TGFBR2: variants seen among roughly 807,000 people sequenced by gnomAD.
TGFBR2 encodes transforming growth factor beta receptor 2.
In TGFBR2, 18 loss-of-function variants were observed where a neutral mutation model predicts 49.0. The observed-to-expected ratio is 0.37, with a 90% CI of 0.25 to 0.54. The LOEUF (loss-of-function observed/expected upper bound fraction) is 0.54. Among genes scored for constraint, TGFBR2 ranks in the 20% least tolerant of loss-of-function variants. The probability of loss-of-function intolerance (pLI) is 0.85; values close to 1 mark genes in which losing one functional copy is unlikely to be tolerated. For missense variants in TGFBR2, 525 were observed against 722.6 expected, an observed-to-expected ratio of 0.73 and a Z score of 3.13; for synonymous variants, 282 against 275.9, an observed-to-expected ratio of 1.02 and a Z score of -0.22.
chr3:30,691,661 C>A lies in TGFBR2; in HGVS notation c.*62C>A, dbSNP rs558371189. On this transcript the variant is annotated 3_prime_UTR_variant, in exon 7 of 7. Coordinates refer to ENST00000295754, the MANE Select transcript of TGFBR2 (RefSeq NM_003242.6). Reference sequence around the variant, plus strand: ...TGCCCCTCTCACCAAAGAACAGAGGCAGCAGGAAGCTGCCCCTGAACTGAT... The same window carrying A: ...TGCCCCTCTCACCAAAGAACAGAGGAAGCAGGAAGCTGCCCCTGAACTGAT... 6.3e-7 allele frequency: 1 copy of A among 1,599,320 alleles called. No individual in the cohort carries two copies. Among genetic ancestry groups the A allele is most frequent in the South Asian group, 1.1e-5 (1 of 90,444 alleles).
rs556540412 is a variant in TGFBR2 at position 30,652,444 on chromosome 3, G to A, written c.454+1984G>A. Among the ~76,000 whole-genome samples, 7 of 152,096 alleles carry A rather than the reference G, an allele frequency of 4.6e-5. No homozygotes were observed. In the South Asian group the frequency reaches 1.5e-3, roughly 32 times the overall value. On this transcript the variant is annotated intron_variant, in intron 3 of 6. Coordinates refer to ENST00000295754, the MANE Select transcript of TGFBR2 (RefSeq NM_003242.6). ...GAGACGAGTTTCACCATGTTCGTCA[G>A]TCTGGTCTCGAACTCCTGACCTCAG...
intron 1 of TGFBR2, among the ~76,000 whole-genome samples, chr3:30,628,817 CT>C (rs1698385070): frequency 6.6e-6 from 1 of 152,042 alleles, no homozygotes; most frequent in African/African-American, 2.4e-5. Context: ...CTTCTGAGAC[CT>C]TTTGCTGCTG....
At chr3:30,627,487 G>A (rs563376262) in intron 1 of TGFBR2, among the ~76,000 whole-genome samples, 13 of 152,084 alleles carry the variant, frequency 8.5e-5, no homozygotes, top group African/African-American at 2.6e-4. Context: ...TCACCTGAGT[G>A]TAGAAGGTAG....
Position 30,671,681 on chromosome 3 carries a change from A to G in TGFBR2, c.498A>G (p.Gln166=), listed in dbSNP as rs1699339065. Residue 166 remains glutamine (Q), a synonymous_variant, in exon 4 of 7, where the codon CAA becomes CAG. Coordinates refer to ENST00000295754, the MANE Select transcript of TGFBR2 (RefSeq NM_003242.6). ...CTGACTTGTTGCTAGTCATATTTCA[A>G]GTGACAGGCATCAGCCTCCTGCCAC... ...SNPDLLLVIF[Q]VTGISLLPPL... is the part of the protein sequence containing the mutation. The G allele has an allele frequency of 3.1e-6, 5 of 1,614,206 alleles. No individual in the cohort carries two copies. In the East Asian group the frequency reaches 1.1e-4, roughly 36 times the overall value.
chr3:30,643,107 A>G (rs1698673323), intron 1 of TGFBR2, among the ~76,000 whole-genome samples: 1 of 152,238 alleles, frequency 6.6e-6, no homozygotes, highest in African/African-American at 2.4e-5. Flanking sequence ...TGCAGGGCAA[A>G]GTATCTATGA....
chr3:30,606,944 G>T lies in TGFBR2; in HGVS notation c.61G>T (p.Ala21Ser), dbSNP rs1697933901. ...PLHIVLWTRI[A>S]STIPPHVQKS... The stretch of plus-strand genomic sequence containing the variant: ...GCACATCGTCCTGTGGACGCGTATC[G>T]CCAGCACGATCCCACCGCACGTTCA... Residue 21 changes from alanine (A) to serine (S), a missense_variant, in exon 1 of 7, where the codon GCC (alanine) becomes TCC (serine). Around this residue, in one of 3 missense-constraint regions of TGFBR2, gnomAD observed 376 missense variants for 478.2 expected, o/e 0.79. Coordinates refer to ENST00000295754, the MANE Select transcript of TGFBR2 (RefSeq NM_003242.6). The T allele has an allele frequency of 1.9e-6, 3 of 1,602,702 alleles. No homozygotes were observed. Among genetic ancestry groups the T allele is most frequent in the South Asian group, 2.2e-5 (2 of 89,260 alleles).
At chr3:30,649,952 A>G (rs970743285) in intron 2 of TGFBR2, among the ~76,000 whole-genome samples, 1 of 152,180 alleles carries the variant, frequency 6.6e-6, no homozygotes, top group Non-Finnish European at 1.5e-5. Context: ...TTCCCCTTTA[A>G]TGATTTAATT....
chr3:30,619,739 C>T (rs986209169), intron 1 of TGFBR2, among the ~76,000 whole-genome samples: 3 of 152,136 alleles, frequency 2.0e-5, no homozygotes, highest in South Asian at 2.1e-4. Context: ...TTTGAAATAA[C>T]GCCTGGTCTA....
chr3:30,635,261 G>A (rs1377782653), intron 1 of TGFBR2, among the ~76,000 whole-genome samples: 2 of 152,160 alleles, frequency 1.3e-5, no homozygotes, highest in Non-Finnish European at 2.9e-5. Context: ...ATTTCCACCT[G>A]CAAGAGTCAT....
chr3:30,648,460 A>ACACATACC (rs1553627538), intron 2 of TGFBR2, among the ~76,000 whole-genome samples: 1 of 142,484 alleles, frequency 7.0e-6, no homozygotes, highest in East Asian at 2.1e-4. Context: ...ACACACACAC[A>ACACATACC]CAAAACTGTG....
intron 1 of TGFBR2, among the ~76,000 whole-genome samples, chr3:30,640,342 C>G (rs1016389768): frequency 6.6e-6 from 1 of 152,082 alleles, no homozygotes; most frequent in African/African-American, 2.4e-5. Flanking sequence ...AGAAAATTCT[C>G]TAAAGATGGT....
intron 1 of TGFBR2, among the ~76,000 whole-genome samples, chr3:30,637,003 A>G (rs1436156267): frequency 3.0e-4 from 45 of 150,672 alleles, no homozygotes; most frequent in East Asian, 9.9e-4. Flanking sequence ...GGCAGAGCTT[A>G]TAGTGAGCCG....
chr3:30,687,959 A>G (rs955534294), intron 5 of TGFBR2, among the ~76,000 whole-genome samples: 12 of 152,174 alleles, frequency 7.9e-5, no homozygotes, highest in African/African-American at 2.7e-4. Flanking sequence ...TTAATACCAC[A>G]TTTTAAATCT....
intron 1 of TGFBR2, among the ~76,000 whole-genome samples, chr3:30,611,717 G>C (rs1353463289): frequency 6.6e-6 from 1 of 151,932 alleles, no homozygotes; most frequent in Non-Finnish European, 1.5e-5. Context: ...AAGCAGCGTT[G>C]GTTGAAGGGA....
At chr3:30,629,113 T>G (rs921627207) in intron 1 of TGFBR2, among the ~76,000 whole-genome samples, 1 of 152,210 alleles carries the variant, frequency 6.6e-6, no homozygotes, top group Non-Finnish European at 1.5e-5. Context: ...CCTTTTGAAT[T>G]TCTTTAGATC....
At chr3:30,632,660 G>A (rs1698458916) in intron 1 of TGFBR2, among the ~76,000 whole-genome samples, 1 of 152,176 alleles carries the variant, frequency 6.6e-6, no homozygotes, top group South Asian at 2.1e-4. Context: ...TTTCTTTGGT[G>A]TGAGAGAGCA....
intron 1 of TGFBR2, among the ~76,000 whole-genome samples, chr3:30,612,260 T>C (rs1442159845): frequency 6.6e-6 from 1 of 152,202 alleles, no homozygotes. Context: ...ATTATCTTTA[T>C]TTTATGGATG....
Position 30,643,562 on chromosome 3 carries a change from C to A in TGFBR2, c.95-1185C>A, listed in dbSNP as rs138723384. Among the ~76,000 whole-genome samples the A allele has an allele frequency of 7.2e-5, 11 of 152,288 alleles. No homozygotes were observed. In the East Asian group the frequency reaches 2.1e-3, roughly 29 times the overall value. On this transcript the variant is annotated intron_variant, in intron 1 of 6. Transcript: ENST00000295754. ...TGAATATCACATTTATAATCACATT[C>A]CTCTCTAATCTGAGTGAAGAAGTTC...
intron 3 of TGFBR2, 58 bp from the exon 4 acceptor site, chr3:30,671,580 T>C: frequency 6.3e-7 from 1 of 1,577,658 alleles, no homozygotes; most frequent in South Asian, 1.1e-5. Context: ...ACCCACTTCC[T>C]GACAGTACTT....
Sources: allele counts gnomAD v4.1 joint callset (sites outside exome capture counted in the v4.1 genomes callset), GRCh38; gene constraint gnomAD v4.1.1; regional missense constraint gnomAD v4.1.1; transcripts MANE v1.5; gene names NCBI Gene and HGNC (gene_info 2026-07-23, HGNC 2026-07-21).